Variants in DAB2IP observed in about 807,000 individuals in gnomAD.
DAB2IP encodes DAB2 interacting protein.
Under a neutral mutation model 107.2 loss-of-function variants are expected in DAB2IP, and 28 were observed. The ratio of observed to expected loss-of-function variants is 0.26; its 90% CI spans 0.19 to 0.36. DAB2IP has a LOEUF of 0.36. Among genes scored for constraint, DAB2IP ranks in the 10% least tolerant of loss-of-function variants. The pLI, the probability that DAB2IP is intolerant of heterozygous loss-of-function variation, is 1.00. For missense variants in DAB2IP, 1,400 were observed against 1,644.7 expected (o/e 0.85, Z 2.57); for synonymous variants, 755 against 706.4 (o/e 1.07, Z -1.09).
intron 1 of DAB2IP, among the ~76,000 whole-genome samples, chr9:121,664,003 G>T (rs768862362): frequency 6.6e-6 from 1 of 152,198 alleles, no homozygotes; most frequent in Non-Finnish European, 1.5e-5. Context: ...CTTAATTCAG[G>T]AGTCGATTTT....
rs1190242582 is a variant in DAB2IP, at chr9:121,575,920, T to C, written c.40+8692T>C. Among the ~76,000 whole-genome samples the C allele has an allele frequency of 1.3e-5, 2 of 151,974 alleles. 1 individual carries two copies. The highest frequency in any genetic ancestry group is 4.8e-5 in the African/African-American group (2 of 41,322). On this transcript the variant is annotated intron_variant, in intron 1 of 16. Transcript: ENST00000259371. ...AGGGAGACCCAAGGGGAAGGGTCTC[T>C]TGAGGTCCTCCTGTCCATTCTCTGT...
At chr9:121,618,713 G>C (rs1191976107) in intron 1 of DAB2IP, among the ~76,000 whole-genome samples, 1 of 152,112 alleles carries the variant, frequency 6.6e-6, no homozygotes, top group African/African-American at 2.4e-5. Context: ...CTGTAGGCGT[G>C]ACATCCAGGT....
chr9:121,611,054 C>T (rs1000029035), intron 1 of DAB2IP, among the ~76,000 whole-genome samples: 8 of 152,202 alleles, frequency 5.3e-5, no homozygotes, highest in Admixed American at 5.2e-4. Flanking sequence ...TGGCTCACTG[C>T]AACCTCTGCT....
intron 1 of DAB2IP, among the ~76,000 whole-genome samples, chr9:121,613,114 TC>T (rs747894636): frequency 2.6e-5 from 4 of 152,234 alleles, no homozygotes; most frequent in Non-Finnish European, 5.9e-5. Flanking sequence ...GTCTGTCACT[TC>T]CCACTGTGTG....
intron 1 of DAB2IP, among the ~76,000 whole-genome samples, chr9:121,578,011 C>T (rs1013735880): frequency 2.6e-5 from 4 of 152,072 alleles, no homozygotes; most frequent in African/African-American, 4.8e-5. Context: ...GACTGAGAAG[C>T]TAAGCTGACT....
At chr9:121,620,855 C>T (rs1435483495) in intron 1 of DAB2IP, among the ~76,000 whole-genome samples, 1 of 152,206 alleles carries the variant, frequency 6.6e-6, no homozygotes, top group Non-Finnish European at 1.5e-5. Context: ...CTGGGCTACT[C>T]CCAACACAGA....
At chr9:121,717,127 T>C (rs920077455) in intron 3 of DAB2IP, among the ~76,000 whole-genome samples, 1 of 152,198 alleles carries the variant, frequency 6.6e-6, no homozygotes, top group African/African-American at 2.4e-5. Flanking sequence ...CTTTTCACCA[T>C]AGATTCACCC....
At position 121,595,138 on chromosome 9, in the gene DAB2IP, A is replaced by G. The variant is rs139071793; in HGVS notation, c.40+27910A>G. ...TTCCTCATGAGCCAGTCTTTGTGCT[A>G]GGTATTTCCCAGAAAGGATGACCAG... On this transcript the variant is annotated intron_variant, in intron 1 of 16. Transcript: ENST00000259371. Among the ~76,000 whole-genome samples the G allele has an allele frequency of 9.7e-4, 148 of 152,276 alleles. 1 individual carries two copies. The highest frequency in any genetic ancestry group is 7.7e-3 in the Admixed American group (117 of 15,290).
intron 1 of DAB2IP, among the ~76,000 whole-genome samples, chr9:121,579,379 C>G (rs532785435): frequency 7.9e-5 from 12 of 152,260 alleles, no homozygotes; most frequent in Admixed American, 2.0e-4. Context: ...TCTCGCCTGT[C>G]TCTTCATCCC....
chr9:121,679,777 G>T (rs1016927630), intron 2 of DAB2IP, among the ~76,000 whole-genome samples: 1 of 152,120 alleles, frequency 6.6e-6, no homozygotes, highest in Non-Finnish European at 1.5e-5. Context: ...ATTCACAGTG[G>T]GTTGGGAGGG....
At chr9:121,586,350 G>A (rs992629742) in intron 1 of DAB2IP, among the ~76,000 whole-genome samples, 3 of 152,184 alleles carry the variant, frequency 2.0e-5, no homozygotes, top group Non-Finnish European at 2.9e-5. Context: ...TCTCTATAGC[G>A]TTGCAGTTGG....
At chr9:121,567,541 G>C (rs1829835554) in intron 1 of DAB2IP, among the ~76,000 whole-genome samples, 2 of 152,222 alleles carry the variant, frequency 1.3e-5, no homozygotes, top group Non-Finnish European at 2.9e-5. Flanking sequence ...CCCCCTGCCT[G>C]TCTGCCTACC....
intron 2 of DAB2IP, among the ~76,000 whole-genome samples, chr9:121,679,881 G>T (rs914279849): frequency 2.0e-5 from 3 of 152,180 alleles, no homozygotes; most frequent in African/African-American, 7.2e-5. Context: ...GACTTCCGGG[G>T]AGGGAGAACA....
chr9:121,620,478 C>G (rs1158631495), intron 1 of DAB2IP, among the ~76,000 whole-genome samples: 1 of 152,200 alleles, frequency 6.6e-6, no homozygotes, highest in African/African-American at 2.4e-5. Flanking sequence ...TGCTGACATT[C>G]CCATCTGTAA....
rs1003210915 is a variant in DAB2IP, at chr9:121,635,268, G to C, written c.41-43410G>C. 6.6e-6 allele frequency among the ~76,000 whole-genome samples: 1 copy of C among 152,180 alleles called. No individual in the cohort carries two copies. The highest frequency in any genetic ancestry group is 1.5e-5 in the Non-Finnish European group (1 of 68,040). ...CCTAAAAATAACCTCGGACCTGGTA[G>C]GGCACTTCAGAAATTTCCAGGCTCT... On this transcript the variant is annotated intron_variant, in intron 1 of 16. Transcript: ENST00000259371. The surrounding 1 kb of genome is among the most constrained non-coding windows in gnomAD (Gnocchi z 4.3).
chr9:121,695,777 T>C (rs1323759159), intron 2 of DAB2IP, among the ~76,000 whole-genome samples: 2 of 152,256 alleles, frequency 1.3e-5, no homozygotes, highest in African/African-American at 2.4e-5. Flanking sequence ...AACAGTCCTG[T>C]ACATGTATAT....
chr9:121,758,903 G>A (rs190940502), exon 5 of DAB2IP: 17 of 1,613,084 alleles, frequency 1.1e-5, no homozygotes, highest in African/African-American at 5.3e-5. Flanking sequence ...CACAGGTGAC[G>A]ACGTCATCAG....
At chr9:121,652,396 G>A (rs1469259420) in intron 1 of DAB2IP, among the ~76,000 whole-genome samples, 3 of 152,182 alleles carry the variant, frequency 2.0e-5, no homozygotes, top group Non-Finnish European at 4.4e-5. Context: ...CCTTTGCAAA[G>A]TTTCTCTCCA....
chr9:121,631,965 G>T (rs537784988), intron 1 of DAB2IP, among the ~76,000 whole-genome samples: 1 of 152,108 alleles, frequency 6.6e-6, no homozygotes, highest in East Asian at 1.9e-4. Flanking sequence ...GAGGATGGGC[G>T]GGAGGCTGGG....
Sources: gnomAD v4.1 joint callset for allele counts (sites outside exome capture counted in the v4.1 genomes callset) on GRCh38, gnomAD v4.1.1 for gene constraint, Gnocchi (gnomAD v3.1) non-coding constraint, MANE v1.5 for transcripts, NCBI Gene and HGNC (gene_info 2026-07-23, HGNC 2026-07-21) for gene names.